Variants in ZC3H10 observed in about 807,000 individuals in gnomAD.
ZC3H10 encodes zinc finger CCCH domain-containing protein 10.
Under a neutral mutation model 24.3 loss-of-function variants are expected in ZC3H10, and 12 were observed. The observed-to-expected ratio is 0.49, with a 90% CI of 0.32 to 0.80. The LOEUF (loss-of-function observed/expected upper bound fraction) is 0.80, where lower values mean the gene tolerates loss of function less well. Among genes scored for constraint, ZC3H10 ranks in the 30% least tolerant of loss-of-function variants. The pLI, the probability that ZC3H10 is intolerant of heterozygous loss-of-function variation, is 0.04. For missense variants in ZC3H10, 360 were observed against 576.3 expected (o/e 0.62, Z 3.84); for synonymous variants, 226 against 217.0 (o/e 1.04, Z -0.36).
Position 56,121,946 on chromosome 12 carries a change from C to T in ZC3H10, c.*79C>T. 2 of 1,448,214 alleles carry T rather than the reference C, an allele frequency of 1.4e-6. No individual in the cohort carries two copies. Among genetic ancestry groups the T allele is most frequent in the Non-Finnish European group, 1.8e-6 (2 of 1,082,626 alleles). The allele number at this position is 1,448,214 out of a possible 1,614,324, so 89.7% of individuals were successfully genotyped here. ...CCCTTGCCCACTCACCTAGCCTTCC[C>T]CATCCCTGTCTGAAGGGCTCCCTTG... On this transcript the variant is annotated 3_prime_UTR_variant, in exon 3 of 3. Coordinates refer to ENST00000257940, the MANE Select transcript of ZC3H10 (RefSeq NM_032786.3). The surrounding 1 kb of genome is among the most constrained non-coding windows in gnomAD (Gnocchi z 6.2).
In ZC3H10 at chr12:56,121,153, C is replaced by G. The variant is rs147799715; in HGVS notation, c.591C>G (p.Asp197Glu). The G allele has an allele frequency of 6.2e-7, 1 of 1,614,056 alleles. No individual in the cohort carries two copies. The highest frequency in any genetic ancestry group is 1.3e-5 in the African/African-American group (1 of 74,912). Residue 197 changes from aspartate (D) to glutamate (E), a missense_variant, in exon 3 of 3, where the codon GAC becomes GAG. Around this residue, in one of 3 missense-constraint regions of ZC3H10, gnomAD observed 101 missense variants for 110.8 expected, o/e 0.91. Coordinates refer to ENST00000257940, the MANE Select transcript of ZC3H10 (RefSeq NM_032786.3). The surrounding 1 kb of genome is among the most constrained non-coding windows in gnomAD (Gnocchi z 6.2). The part of the protein sequence containing the change: ...HDLYDIYDLP[D>E]RGFEDHEPGP... ...TCTATGATATCTATGACCTTCCTGA[C>G]AGGGGCTTTGAGGACCATGAGCCAG...
chr12:56,120,790 C>G lies in ZC3H10; in HGVS notation c.228C>G (p.Phe76Leu). ...VSNLGVSKNE[F>L]IFCHDFQNKE... ...ACTTGGGGGTGAGCAAAAACGAGTTCATCTTCTGCCATGACTTCCAGAACA... is the reference window on the plus strand; with the variant it reads ...ACTTGGGGGTGAGCAAAAACGAGTTGATCTTCTGCCATGACTTCCAGAACA... Residue 76 changes from phenylalanine (F) to leucine (L), a missense_variant, in exon 3 of 3, where the codon TTC (phenylalanine) becomes TTG (leucine). Around this residue, in one of 3 missense-constraint regions of ZC3H10, gnomAD observed 126 missense variants for 208.8 expected, o/e 0.60. Transcript: ENST00000257940. The G allele has an allele frequency of 6.2e-7, 1 of 1,614,160 alleles. No homozygotes were observed. Among genetic ancestry groups the G allele is most frequent in the Non-Finnish European group, 8.5e-7 (1 of 1,180,036 alleles).
intron 2 of ZC3H10, 135 bp from the exon 3 acceptor site, chr12:56,120,376 A>G: frequency 1.5e-6 from 2 of 1,348,480 alleles, no homozygotes; most frequent in East Asian, 2.8e-5. Flanking sequence ...TGAGTCAGAC[A>G]TTTCAGCCAG....
At position 56,120,643 on chromosome 12, in the gene ZC3H10, TGGGGCAGGGGTAGGCAGTGGC is replaced by T. The variant is rs1386090927; in HGVS notation, c.87_107del (p.Gly30_Ala36del). On this transcript the variant is annotated inframe_deletion, in exon 3 of 3. Coordinates refer to ENST00000257940, the MANE Select transcript of ZC3H10 (RefSeq NM_032786.3). ...GAGGTGGTGGCAGCGAGGAGGCCAG[TGGGGCAGGGGTAGGCAGTGGC>T]GGGGCCAGCTCAGATGCCATCTGTA... The T allele has an allele frequency of 1.1e-5, 17 of 1,608,204 alleles. No homozygotes were observed. The highest frequency in any genetic ancestry group is 1.4e-5 in the Non-Finnish European group (17 of 1,176,526).
At chr12:56,119,813 C>T (rs1463133118) in intron 2 of ZC3H10, 1 of 152,122 alleles carries the variant, frequency 6.6e-6, no homozygotes, top group Non-Finnish European at 1.5e-5. Flanking sequence ...TCACTTGTTC[C>T]TGTGAAATTA....
In ZC3H10 at chr12:56,125,659, TAACCTGCCCAGGGTTCTGCA is replaced by T. The variant is rs1032370208; in HGVS notation, c.*3794_*3813del. ...CAGAGGAGAAAGCAGGCTTAAAAAG[TAACCTGCCCAGGGTTCTGCA>T]AGTAAGGAATGGGGCCAGGAATCTA... On this transcript the variant is annotated 3_prime_UTR_variant, in exon 3 of 3. Coordinates refer to ENST00000257940, the MANE Select transcript of ZC3H10 (RefSeq NM_032786.3). The T allele has an allele frequency of 6.6e-6, 1 of 152,198 alleles. No homozygotes were observed. The highest frequency in any genetic ancestry group is 2.4e-5 in the African/African-American group (1 of 41,434). The allele number at this position is 152,198 out of a possible 1,614,324, so 9.4% of individuals were successfully genotyped here. A position where few individuals can be genotyped will look rare whatever the true frequency, so the allele number is the denominator to read the frequency against.
In ZC3H10 at chr12:56,126,748, G is replaced by T. The variant is rs1870007400; in HGVS notation, c.*4881G>T. 6.6e-6 allele frequency: 1 copy of T among 152,130 alleles called. No individual in the cohort carries two copies. Among genetic ancestry groups the T allele is most frequent in the South Asian group, 2.1e-4 (1 of 4,832 alleles). The allele number at this position is 152,130 out of a possible 1,614,324, so 9.4% of individuals were successfully genotyped here. On this transcript the variant is annotated 3_prime_UTR_variant, in exon 3 of 3. Transcript: ENST00000257940. ...CCCTTTTCTACCTGCTTACCTCTGG[G>T]AATATGGAGGATATAGGAGACAGAA...
Position 56,122,978 on chromosome 12 carries a change from TC to T in ZC3H10, c.*1113del, listed in dbSNP as rs1313112602. On this transcript the variant is annotated 3_prime_UTR_variant, in exon 3 of 3. Coordinates refer to ENST00000257940, the MANE Select transcript of ZC3H10 (RefSeq NM_032786.3). ...CTACCCCACCCCTTCAGTGGCCAGTTCCTGAAGCCTTCAAGGCTTGGGAGGT... is the reference window on the plus strand; with the variant it reads ...CTACCCCACCCCTTCAGTGGCCAGTTCTGAAGCCTTCAAGGCTTGGGAGGT... The T allele has an allele frequency of 6.6e-6, 1 of 152,342 alleles. No homozygotes were observed. The highest frequency in any genetic ancestry group is 1.5e-5 in the Non-Finnish European group (1 of 68,122). The allele number at this position is 152,342 out of a possible 1,614,324, so 9.4% of individuals were successfully genotyped here.
rs754358164 is a variant in ZC3H10 at position 56,121,255 on chromosome 12, A to C, written c.693A>C (p.Pro231=). 11 of 1,613,306 alleles carry C rather than the reference A, an allele frequency of 6.8e-6. No individual in the cohort carries two copies. The East Asian group carries it at 2.4e-4, about 36-fold the overall frequency. Residue 231 remains proline, a synonymous_variant, in exon 3 of 3, where the codon CCA becomes CCC. Transcript: ENST00000257940. This position sits in a 1 kb window ranked among gnomAD's most constrained non-coding sequence, Gnocchi z 6.2. ...AGTCATATGAATATAGTTTGGCTCC[A>C]CCGCGAGGGGTGGAGTGCAGACTGC... The part of the protein sequence containing the change: ...HFESYEYSLA[P]PRGVECRLLE...
In ZC3H10 at chr12:56,121,431, C is replaced by T. The variant is rs184474754; in HGVS notation, c.869C>T (p.Ala290Val). The change falls in exon 3 of 3, where the codon GCG becomes GTG. Residue 290 changes from alanine (A) to valine (V), a missense_variant. Ala to Val is a moderately conservative substitution (Grantham distance 64, BLOSUM62 0). Transcript: ENST00000257940. The surrounding 1 kb of genome is among the most constrained non-coding windows in gnomAD (Gnocchi z 6.2). ...KVITLSSTAPATEQTLAPTVG... is the reference protein window; with the variant it reads ...KVITLSSTAPVTEQTLAPTVG... ...ATAACCCTGAGCTCCACTGCACCAG[C>T]GACTGAGCAGACTCTGGCCCCCACT... 6.2e-6 allele frequency: 10 copies of T among 1,611,096 alleles called. No homozygotes were observed. The East Asian group carries it at 6.7e-5, about 11-fold the overall frequency.
rs1869890955 is a variant in ZC3H10, at chr12:56,122,976, G to C, written c.*1109G>C. Reference sequence around the variant, plus strand: ...TCCTACCCCACCCCTTCAGTGGCCAGTTCCTGAAGCCTTCAAGGCTTGGGA... The same window carrying C: ...TCCTACCCCACCCCTTCAGTGGCCACTTCCTGAAGCCTTCAAGGCTTGGGA... On this transcript the variant is annotated 3_prime_UTR_variant, in exon 3 of 3. Transcript: ENST00000257940. 1 of 152,342 alleles carries C rather than the reference G, an allele frequency of 6.6e-6. No individual in the cohort carries two copies. The highest frequency in any genetic ancestry group is 3.1e-3 in the Middle Eastern group (1 of 318). 9.4% of individuals were successfully genotyped at this position (152,342 alleles called of 1,614,324 possible).
At chr12:56,118,506 C>CACA (rs753927638) in intron 1 of ZC3H10, 188 bp downstream of exon 1, 1 of 152,676 alleles carries the variant, frequency 6.5e-6, no homozygotes, top group Non-Finnish European at 1.5e-5. Context: ...TTCGTGACGT[C>CACA]ACAACCCTGC....
At chr12:56,120,460 G>C in intron 2 of ZC3H10, 51 bp from the exon 3 acceptor site, 1 of 1,422,856 alleles carries the variant, frequency 7.0e-7, no homozygotes, top group Non-Finnish European at 9.1e-7. Context: ...GTCAGGAAGA[G>C]TGGGATCTCC....
In ZC3H10 at chr12:56,121,323, TAAA is replaced by T. The variant is rs750672741; in HGVS notation, c.762_764del (p.Lys256del). 2 of 1,613,754 alleles carry T rather than the reference TAAA, an allele frequency of 1.2e-6. No homozygotes were observed. Among genetic ancestry groups the T allele is most frequent in the Non-Finnish European group, 1.7e-6 (2 of 1,179,996 alleles). ...ATGCTCAGGAAGCGGGTAGAGGAGTTAAAGAAGCAGGTCAGCAACCTGCTGGCC... is the reference window on the plus strand; with the variant it reads ...ATGCTCAGGAAGCGGGTAGAGGAGTTGAAGCAGGTCAGCAACCTGCTGGCC... On this transcript the variant is annotated inframe_deletion, in exon 3 of 3. Transcript: ENST00000257940. The surrounding 1 kb of genome is among the most constrained non-coding windows in gnomAD (Gnocchi z 6.2).
Position 56,121,762 on chromosome 12 carries a change from G to C in ZC3H10, c.1200G>C (p.Ser400=), listed in dbSNP as rs375224738. 252 of 1,613,932 alleles carry C rather than the reference G, an allele frequency of 1.6e-4. No individual in the cohort carries two copies. Among genetic ancestry groups the C allele is most frequent in the Non-Finnish European group, 2.1e-4 (242 of 1,180,016 alleles). ...SVAPVAPVAV[S]MAQPLAGITM... is the part of the protein sequence containing the mutation. ...CTCCTGTGGCCCCTGTGGCTGTATC[G>C]ATGGCCCAACCCTTGGCAGGAATCA... The change falls in exon 3 of 3, where the codon TCG becomes TCC. Residue 400 remains serine (S), a synonymous_variant. Coordinates refer to ENST00000257940, the MANE Select transcript of ZC3H10 (RefSeq NM_032786.3). This position sits in a 1 kb window ranked among gnomAD's most constrained non-coding sequence, Gnocchi z 6.2.
In ZC3H10 at chr12:56,120,841, T is replaced by A. The variant is rs1339269919; in HGVS notation, c.279T>A (p.Arg93=). ...AGGAGTGTAGCCGCCCAAATTGCCG[T>A]TTCATCCATGGCTCCAAGGAGGATG... is the stretch of plus-strand genomic sequence containing the variant. ...QNKECSRPNC[R]FIHGSKEDED... is the part of the protein sequence containing the mutation. The change falls in exon 3 of 3, where the codon CGT becomes CGA. Residue 93 remains arginine, a synonymous_variant. Transcript: ENST00000257940. 6.2e-7 allele frequency: 1 copy of A among 1,614,018 alleles called. No individual in the cohort carries two copies. Among genetic ancestry groups the A allele is most frequent in the Non-Finnish European group, 8.5e-7 (1 of 1,180,030 alleles).
At position 56,121,108 on chromosome 12, in the gene ZC3H10, C is replaced by A. The variant is rs745537120; in HGVS notation, c.546C>A (p.Leu182=). 1 of 1,614,170 alleles carries A rather than the reference C, an allele frequency of 6.2e-7. No individual in the cohort carries two copies. The highest frequency in any genetic ancestry group is 8.5e-7 in the Non-Finnish European group (1 of 1,180,030). ...GTGGGGGCTCAACAGGCTCAGTCCTCCCAGGACGACGTCATGATCTCTATG... is the reference window on the plus strand; with the variant it reads ...GTGGGGGCTCAACAGGCTCAGTCCTACCAGGACGACGTCATGATCTCTATG... ...GTGGGSTGSV[L]PGRRHDLYDI... Residue 182 remains leucine, a synonymous_variant, in exon 3 of 3, where the codon CTC becomes CTA. Transcript: ENST00000257940. The surrounding 1 kb of genome is among the most constrained non-coding windows in gnomAD (Gnocchi z 6.2).
chr12:56,118,424 A>G (rs1403392894), intron 1 of ZC3H10, 106 bp downstream of exon 1: 2 of 153,016 alleles, frequency 1.3e-5, no homozygotes, highest in African/African-American at 4.8e-5. Flanking sequence ...CCCAGAACCG[A>G]GCTGGCTCGT....
rs1869860464 is a variant in ZC3H10, at chr12:56,122,000, A to G, written c.*133A>G. On this transcript the variant is annotated 3_prime_UTR_variant, in exon 3 of 3. Transcript: ENST00000257940. The surrounding 1 kb of genome is among the most constrained non-coding windows in gnomAD (Gnocchi z 6.2). ...ACTAGGACAAGAGACTACAAGGAGT[A>G]TGTCCTGAGGAGGGGTTGGGATGGT... 2.6e-6 allele frequency: 3 copies of G among 1,143,260 alleles called. No homozygotes were observed. The highest frequency in any genetic ancestry group is 3.7e-6 in the Non-Finnish European group (3 of 818,158). 70.8% of individuals were successfully genotyped at this position (1,143,260 alleles called of 1,614,324 possible).
Sources: gnomAD v4.1 joint callset for allele counts on GRCh38, gnomAD v4.1.1 for gene constraint, gnomAD v4.1.1 regional missense constraint, Gnocchi (gnomAD v3.1) non-coding constraint, MANE v1.5 for transcripts, NCBI Gene and HGNC (gene_info 2026-07-23, HGNC 2026-07-21) for gene names.